Variants in EPHA5 observed in about 807,000 individuals in gnomAD.
The protein encoded by EPHA5 is ephrin type-A receptor 5.
EPHA5 carries 60 observed loss-of-function variants against 105.0 expected under a neutral mutation model. The observed-to-expected ratio is 0.57, with a 90% CI of 0.46 to 0.71. The LOEUF is 0.71. EPHA5 is among the 30% of genes least tolerant of loss of function. The pLI, the probability that EPHA5 is intolerant of heterozygous loss-of-function variation, is 0.00. For missense variants in EPHA5, 1,218 were observed against 1,274.7 expected (o/e 0.96, Z 0.68); for synonymous variants, 513 against 449.1 (o/e 1.14, Z -1.80).
At chr4:65,627,763 A>T (rs372830859) in intron 2 of EPHA5, among the ~76,000 whole-genome samples, 7 of 152,182 alleles carry the variant, frequency 4.6e-5, no homozygotes, top group Non-Finnish European at 1.0e-4. Context: ...ATTCATCTTT[A>T]TCACCCCAAC....
At chr4:65,474,574 T>A (rs1729612483) in intron 5 of EPHA5, among the ~76,000 whole-genome samples, 1 of 152,048 alleles carries the variant, frequency 6.6e-6, no homozygotes, top group Non-Finnish European at 1.5e-5. Context: ...AAATGTAAGA[T>A]CAAAAAGCCA....
chr4:65,368,843 C>T (rs1011200693), intron 8 of EPHA5, among the ~76,000 whole-genome samples: 2 of 152,182 alleles, frequency 1.3e-5, no homozygotes, highest in African/African-American at 2.4e-5. Flanking sequence ...TTTCTCCATG[C>T]TTCCATAGGT....
intron 16 of EPHA5, chr4:65,331,302 A>G: frequency 9.7e-7 from 1 of 1,034,022 alleles, no homozygotes; most frequent in Non-Finnish European, 1.2e-6. Flanking sequence ...AAATACAAAC[A>G]ACTTACAACC....
intron 5 of EPHA5, among the ~76,000 whole-genome samples, chr4:65,468,833 G>A (rs557332494): frequency 7.3e-5 from 11 of 151,282 alleles, no homozygotes; most frequent in Non-Finnish European, 1.5e-4. Flanking sequence ...CTGCATGTGG[G>A]CAAGAAAACA....
intron 3 of EPHA5, among the ~76,000 whole-genome samples, chr4:65,584,242 G>A (rs1560733937): frequency 6.6e-6 from 1 of 151,590 alleles, no homozygotes; most frequent in Non-Finnish European, 1.5e-5. Flanking sequence ...AATATAATGT[G>A]TTTCTCTTCT....
In EPHA5 at chr4:65,476,057, T is replaced by C. The variant is rs529598271; in HGVS notation, c.1402+14320A>G. 2.6e-4 allele frequency among the ~76,000 whole-genome samples: 40 copies of C among 151,612 alleles called. 1 individual carries two copies. In the South Asian group the frequency reaches 7.5e-3, roughly 29 times the overall value. On this transcript the variant is annotated intron_variant, in intron 5 of 16. Coordinates refer to ENST00000613740, the MANE Select transcript of EPHA5 (RefSeq NM_001281766.3). ...TCAGAACTTCCTACAAATGTAATTT[T>C]TTTTCAGAATGTCAGACAAACACTC...
At chr4:65,480,165 G>A (rs984090480) in intron 5 of EPHA5, among the ~76,000 whole-genome samples, 1 of 152,042 alleles carries the variant, frequency 6.6e-6, no homozygotes. Context: ...GAGAGAGGAT[G>A]AACAAACTTC....
intron 8 of EPHA5, among the ~76,000 whole-genome samples, chr4:65,383,475 A>C (rs1489223944): frequency 6.6e-6 from 1 of 151,832 alleles, no homozygotes; most frequent in Non-Finnish European, 1.5e-5. Context: ...TTTCACTGCT[A>C]CCAGTAAAAA....
intron 1 of EPHA5, among the ~76,000 whole-genome samples, chr4:65,659,800 A>G (rs1749403375): frequency 6.6e-6 from 1 of 152,126 alleles, no homozygotes. Flanking sequence ...TGCTCACCTA[A>G]GTAAAAAAGC....
At chr4:65,377,899 C>T (rs1238499643) in intron 8 of EPHA5, among the ~76,000 whole-genome samples, 1 of 151,868 alleles carries the variant, frequency 6.6e-6, no homozygotes, top group African/African-American at 2.4e-5. Context: ...AAATGAGTAG[C>T]ATTCACAGTG....
intron 2 of EPHA5, among the ~76,000 whole-genome samples, chr4:65,603,416 A>T (rs1427182011): frequency 6.6e-6 from 1 of 152,130 alleles, no homozygotes; most frequent in Non-Finnish European, 1.5e-5. Context: ...AAGAACAATG[A>T]AACCATACTG....
chr4:65,366,307 T>C (rs1400677100), intron 9 of EPHA5, among the ~76,000 whole-genome samples: 2 of 151,810 alleles, frequency 1.3e-5, no homozygotes, highest in East Asian at 1.9e-4. Context: ...TCAATCATAA[T>C]ACTTAGAAAG....
chr4:65,409,601 G>A (rs1346973284), intron 7 of EPHA5, among the ~76,000 whole-genome samples: 1 of 152,094 alleles, frequency 6.6e-6, no homozygotes. Flanking sequence ...GTTCATCACT[G>A]AAGGTTAAAA....
chr4:65,532,003 G>A lies in EPHA5; in HGVS notation c.911-36460C>T, dbSNP rs188432668. Among the ~76,000 whole-genome samples the A allele has an allele frequency of 2.1e-3, 314 of 152,062 alleles. 1 individual carries two copies. The highest frequency in any genetic ancestry group is 7.0e-3 in the African/African-American group (290 of 41,474). On this transcript the variant is annotated intron_variant, in intron 3 of 16. Transcript: ENST00000613740. ...AAATAATACATAATATATTATTTTC[G>A]TCAGTTTTAAATCTACATAAAGTGT...
chr4:65,337,202 C>T (rs1326588589), intron 14 of EPHA5, among the ~76,000 whole-genome samples: 1 of 152,022 alleles, frequency 6.6e-6, no homozygotes, highest in Admixed American at 6.6e-5. Context: ...TTACCTCAAA[C>T]ATTTATTACC....
intron 5 of EPHA5, among the ~76,000 whole-genome samples, chr4:65,438,668 AG>A (rs1725722163): frequency 6.6e-6 from 1 of 152,032 alleles, no homozygotes; most frequent in Non-Finnish European, 1.5e-5. Flanking sequence ...AAAGTGTGGA[AG>A]TGAACAGTAG....
chr4:65,584,753 A>G (rs577100523), intron 3 of EPHA5, among the ~76,000 whole-genome samples: 79 of 151,972 alleles, frequency 5.2e-4, no homozygotes, highest in Non-Finnish European at 8.8e-4. Flanking sequence ...TCTTTTTACA[A>G]GATAAAAAGG....
chr4:65,329,833 G>A (rs1268120520), intron 16 of EPHA5, among the ~76,000 whole-genome samples: 2 of 146,312 alleles, frequency 1.4e-5, no homozygotes, highest in Admixed American at 1.4e-4. Context: ...TTTGGAAGAA[G>A]AGTAGGCAAA....
intron 4 of EPHA5, 107 bp from the exon 5 acceptor site, chr4:65,490,819 G>C: frequency 3.6e-6 from 4 of 1,120,786 alleles, no homozygotes; most frequent in Non-Finnish European, 3.8e-6. Flanking sequence ...TTTGCAATAA[G>C]TCCTTTAAGT....
Sources: allele counts gnomAD v4.1 joint callset (sites outside exome capture counted in the v4.1 genomes callset), GRCh38; gene constraint gnomAD v4.1.1; transcripts MANE v1.5; gene names NCBI Gene and HGNC (gene_info 2026-07-23, HGNC 2026-07-21).